Variants in MAGI2 observed in about 807,000 individuals in gnomAD.
MAGI2 encodes membrane associated guanylate kinase, WW and PDZ domain containing 2.
MAGI2 carries 35 observed loss-of-function variants against 133.3 expected under a neutral mutation model. The ratio of observed to expected loss-of-function variants is 0.26; its 90% CI spans 0.20 to 0.35. MAGI2 has a LOEUF of 0.35. Ranked by LOEUF, MAGI2 falls within the 10% of genes least tolerant of loss-of-function variation. The probability of loss-of-function intolerance (pLI) is 1.00; values close to 1 mark genes in which losing one functional copy is unlikely to be tolerated. For missense variants in MAGI2, 1,636 were observed against 1,863.4 expected, an observed-to-expected ratio of 0.88 and a Z score of 2.25; for synonymous variants, 729 against 710.6, an observed-to-expected ratio of 1.03 and a Z score of -0.41.
intron 1 of MAGI2, among the ~76,000 whole-genome samples, chr7:79,221,001 G>T (rs1426389283): frequency 6.6e-6 from 1 of 152,000 alleles, no homozygotes; most frequent in Non-Finnish European, 1.5e-5. Flanking sequence ...GAGGAGTGGT[G>T]TGTAGTATGA....
intron 2 of MAGI2, among the ~76,000 whole-genome samples, chr7:78,895,933 A>G (rs1336254968): frequency 1.3e-5 from 2 of 152,228 alleles, no homozygotes; most frequent in Admixed American, 6.5e-5. Context: ...TGGATTATAA[A>G]TAAATATCAA....
intron 9 of MAGI2, among the ~76,000 whole-genome samples, chr7:78,300,799 G>A (rs2151071986): frequency 6.6e-6 from 1 of 152,234 alleles, no homozygotes; most frequent in African/African-American, 2.4e-5. Context: ...GTATTTGCAG[G>A]TTTTCTTTAC....
At chr7:78,271,025 C>A (rs1217607159) in intron 9 of MAGI2, among the ~76,000 whole-genome samples, 1 of 152,122 alleles carries the variant, frequency 6.6e-6, no homozygotes, top group East Asian at 1.9e-4. Context: ...TGAGAGAGGG[C>A]ATCCCTGTCT....
At chr7:78,070,242 G>C in intron 21 of MAGI2, among the ~76,000 whole-genome samples, 1 of 131,788 alleles carries the variant, frequency 7.6e-6, no homozygotes, top group African/African-American at 2.9e-5. Context: ...CAGACATTCT[G>C]TCCCCTTCCC....
At chr7:78,475,238 C>T (rs1012998119) in intron 6 of MAGI2, among the ~76,000 whole-genome samples, 4 of 151,800 alleles carry the variant, frequency 2.6e-5, no homozygotes, top group African/African-American at 2.4e-5. Context: ...TGGCTTTGCT[C>T]TCAAGAAAAA....
intron 1 of MAGI2, among the ~76,000 whole-genome samples, chr7:79,120,754 A>G (rs1300616433): frequency 6.6e-6 from 1 of 152,062 alleles, no homozygotes; most frequent in African/African-American, 2.4e-5. Context: ...TTTAAATACT[A>G]GGGTTCTATA....
At chr7:78,058,003 A>ATGTGTGTGTG (rs374332006) in intron 21 of MAGI2, among the ~76,000 whole-genome samples, 1 of 117,028 alleles carries the variant, frequency 8.5e-6, no homozygotes. Flanking sequence ...ATATATATAT[A>ATGTGTGTGTG]TGTATGAGAA....
chr7:78,188,934 A>G (rs1827951646), intron 12 of MAGI2, among the ~76,000 whole-genome samples: 2 of 152,134 alleles, frequency 1.3e-5, no homozygotes, highest in South Asian at 4.1e-4. Context: ...AGCACCCTAG[A>G]CAGATACTAC....
chr7:79,199,233 A>C (rs1265101875), intron 1 of MAGI2, among the ~76,000 whole-genome samples: 1 of 152,060 alleles, frequency 6.6e-6, no homozygotes, highest in Non-Finnish European at 1.5e-5. Context: ...CAACAAGAGT[A>C]ATAATATTAA....
At chr7:79,310,776 C>G (rs1423621237) in intron 1 of MAGI2, among the ~76,000 whole-genome samples, 3 of 152,134 alleles carry the variant, frequency 2.0e-5, no homozygotes, top group Admixed American at 1.3e-4. Context: ...AATTGTGACC[C>G]TAGTTGAGAC....
At chr7:79,005,961 G>T (rs529754035) in intron 2 of MAGI2, among the ~76,000 whole-genome samples, 1 of 152,218 alleles carries the variant, frequency 6.6e-6, no homozygotes, top group Non-Finnish European at 1.5e-5. Flanking sequence ...AGGAAGATTT[G>T]ATAATGGTGT....
intron 4 of MAGI2, among the ~76,000 whole-genome samples, chr7:78,520,830 A>C (rs1032842269): frequency 8.5e-5 from 13 of 152,192 alleles, no homozygotes; most frequent in African/African-American, 2.9e-4. Context: ...TTGCTTGTAC[A>C]AGGTAGTGGC....
At chr7:79,133,713 C>A (rs1821137663) in intron 1 of MAGI2, among the ~76,000 whole-genome samples, 1 of 152,046 alleles carries the variant, frequency 6.6e-6, no homozygotes, top group Non-Finnish European at 1.5e-5. Context: ...AAAAAGCATG[C>A]AACAGAAAAT....
chr7:78,081,023 C>T (rs891807721), intron 20 of MAGI2, among the ~76,000 whole-genome samples: 2 of 152,174 alleles, frequency 1.3e-5, no homozygotes, highest in Non-Finnish European at 2.9e-5. Context: ...CCAAATGTGT[C>T]ATGCTGACTG....
chr7:78,040,543 G>A (rs889306979), intron 21 of MAGI2, among the ~76,000 whole-genome samples: 1 of 152,196 alleles, frequency 6.6e-6, no homozygotes, highest in African/African-American at 2.4e-5. Context: ...TTCAGGTGGT[G>A]GTCCCTCGAC....
chr7:79,238,325 T>C (rs140843546), intron 1 of MAGI2, among the ~76,000 whole-genome samples: 2 of 152,268 alleles, frequency 1.3e-5, no homozygotes, highest in Non-Finnish European at 2.9e-5. Context: ...TACACCTCTC[T>C]ACCTTTTTCT....
Position 78,256,108 on chromosome 7 carries a change from C to T in MAGI2, c.1882G>A (p.Val628Met). ...CCCTGAATGTCAAGTATTTGTTTCACCCGCTGTCCTGTAGGACTGTCGGCA... is the reference window on the plus strand; with the variant it reads ...CCCTGAATGTCAAGTATTTGTTTCATCCGCTGTCCTGTAGGACTGTCGGCA... ...TIADSPTGQR[V>M]KQILDIQGCP... Residue 628 changes from valine (V) to methionine (M), a missense_variant, in exon 10 of 22, where the codon GTG becomes ATG. Physicochemically the swap from Val to Met is conservative, Grantham distance 21. Coordinates refer to ENST00000354212, the MANE Select transcript of MAGI2 (RefSeq NM_012301.4). 1.2e-6 allele frequency: 2 copies of T among 1,613,796 alleles called. No individual in the cohort carries two copies. The highest frequency in any genetic ancestry group is 1.7e-6 in the Non-Finnish European group (2 of 1,179,904).
intron 10 of MAGI2, among the ~76,000 whole-genome samples, chr7:78,237,043 C>G (rs1465920025): frequency 6.6e-6 from 1 of 152,122 alleles, no homozygotes; most frequent in Non-Finnish European, 1.5e-5. Context: ...CAGGTCCCTC[C>G]CACAACACAT....
chr7:78,934,882 G>T (rs1019438412), intron 2 of MAGI2, among the ~76,000 whole-genome samples: 8 of 152,102 alleles, frequency 5.3e-5, no homozygotes, highest in Admixed American at 2.6e-4. Flanking sequence ...TTTTATGCAG[G>T]TATATTAATG....
Sources: allele counts gnomAD v4.1 joint callset (sites outside exome capture counted in the v4.1 genomes callset), GRCh38; gene constraint gnomAD v4.1.1; transcripts MANE v1.5; gene names NCBI Gene and HGNC (gene_info 2026-07-23, HGNC 2026-07-21).